The following RAB6A variants were observed in gnomAD, a reference collection of about 807,000 sequenced individuals.
RAB6A encodes ras-related protein Rab-6A.
RAB6A carries 8 observed loss-of-function variants against 32.3 expected under a neutral mutation model. That is an observed-to-expected ratio of 0.25 (90% CI 0.15 to 0.45). The LOEUF is 0.45. RAB6A is among the 20% of genes least tolerant of loss of function. The pLI, the probability that RAB6A is intolerant of heterozygous loss-of-function variation, is 1.00. For synonymous variants in RAB6A, 73 were observed against 82.1 expected (o/e 0.89, Z 0.60); for missense variants, 104 against 249.4 (o/e 0.42, Z 3.93).
At chr11:73,720,791 G>T in intron 3 of RAB6A, 55 bp downstream of exon 3, 1 of 1,278,764 alleles carries the variant, frequency 7.8e-7, no homozygotes, top group Non-Finnish European at 1.1e-6. Context: ...AACTTTGATT[G>T]CAGTTTTCTA....
chr11:73,712,543 G>A (rs1451802425), intron 5 of RAB6A, among the ~76,000 whole-genome samples: 1 of 151,824 alleles, frequency 6.6e-6, no homozygotes, highest in Non-Finnish European at 1.5e-5. Context: ...TAGAGACGAG[G>A]TTTCACTAGG....
At chr11:73,733,097 G>A (rs558621605) in intron 1 of RAB6A, among the ~76,000 whole-genome samples, 96 of 152,114 alleles carry the variant, frequency 6.3e-4, no homozygotes, top group Middle Eastern at 3.4e-3. Flanking sequence ...AAGCATGAGC[G>A]TCCACATCTG....
At chr11:73,740,561 A>ATT (rs967075814) in intron 1 of RAB6A, among the ~76,000 whole-genome samples, 1 of 151,770 alleles carries the variant, frequency 6.6e-6, no homozygotes, top group Non-Finnish European at 1.5e-5. Flanking sequence ...TTGAATCAAG[A>ATT]TTTTTTGTTT....
chr11:73,689,257 T>C (rs377548073), intron 6 of RAB6A, among the ~76,000 whole-genome samples: 31 of 152,286 alleles, frequency 2.0e-4, no homozygotes, highest in African/African-American at 7.0e-4. Context: ...GCAGATAGTT[T>C]TGGGATGAAA....
At chr11:73,753,958 T>C (rs1197187059) in intron 1 of RAB6A, among the ~76,000 whole-genome samples, 1 of 152,244 alleles carries the variant, frequency 6.6e-6, no homozygotes, top group African/African-American at 2.4e-5. Flanking sequence ...AAAGATTTGT[T>C]AAATTAAAAC....
intron 1 of RAB6A, among the ~76,000 whole-genome samples, chr11:73,742,595 T>C (rs965068554): frequency 6.6e-6 from 1 of 151,900 alleles, no homozygotes; most frequent in Non-Finnish European, 1.5e-5. Context: ...GTGGATCACC[T>C]GAGGTCAGGA....
intron 2 of RAB6A, among the ~76,000 whole-genome samples, chr11:73,728,075 T>TA (rs968204112): frequency 1.3e-5 from 2 of 152,154 alleles, no homozygotes; most frequent in South Asian, 2.1e-4. Flanking sequence ...GTAGTGGTAA[T>TA]AAAAAAAATT....
At position 73,730,836 on chromosome 11, in the gene RAB6A, GA is replaced by G. The variant is rs746901475; in HGVS notation, c.71-14del. ...GATGTCTTTCCAACTGAAATGAAAC[GA>G]AAAAAAGATTTGCTCAGTGAACACA... On this transcript the variant is annotated splice_polypyrimidine_tract_variant and intron_variant, in intron 1 of 7. Coordinates refer to ENST00000336083, the MANE Select transcript of RAB6A (RefSeq NM_198896.2). 3 of 1,588,366 alleles carry G rather than the reference GA, an allele frequency of 1.9e-6. No individual in the cohort carries two copies. Among genetic ancestry groups the G allele is most frequent in the East Asian group, 2.3e-5 (1 of 44,176 alleles).
chr11:73,759,924 C>T, intron 1 of RAB6A: 1 of 816,282 alleles, frequency 1.2e-6, no homozygotes, highest in Admixed American at 2.8e-5. Context: ...CCGACGCTAC[C>T]CCTTTCACCC....
At chr11:73,716,161 G>T in intron 5 of RAB6A, 90 bp downstream of exon 5, 1 of 977,306 alleles carries the variant, frequency 1.0e-6, no homozygotes, top group Non-Finnish European at 1.5e-6. Flanking sequence ...GATTAAGCAT[G>T]TCTCCTTTCA....
At chr11:73,712,243 T>C (rs1468642308) in intron 5 of RAB6A, among the ~76,000 whole-genome samples, 2 of 152,226 alleles carry the variant, frequency 1.3e-5, no homozygotes, top group African/African-American at 4.8e-5. Context: ...ATCTTTTCTA[T>C]ACACTTAACC....
At position 73,675,887 on chromosome 11, in the gene RAB6A, C is replaced by T. The variant is rs1180184977; in HGVS notation, c.*2011G>A. 3.6e-5 allele frequency: 6 copies of T among 167,084 alleles called. No individual in the cohort carries two copies. The East Asian group carries it at 1.2e-3, about 32-fold the overall frequency. The allele number at this position is 167,084 out of a possible 1,614,324, so 10.4% of individuals were successfully genotyped here. A position where few individuals can be genotyped will look rare whatever the true frequency, so the allele number is the denominator to read the frequency against. Reference sequence around the variant, plus strand: ...AACTTCTTCCAAATAAAGAATATGACCCATCTGCCATATTGAATCAATATT... The same window carrying T: ...AACTTCTTCCAAATAAAGAATATGATCCATCTGCCATATTGAATCAATATT... On this transcript the variant is annotated 3_prime_UTR_variant, in exon 8 of 8. Transcript: ENST00000336083.
intron 1 of RAB6A, chr11:73,760,137 C>G: frequency 7.7e-7 from 1 of 1,291,050 alleles, no homozygotes; most frequent in Non-Finnish European, 1.0e-6. Flanking sequence ...GAAGAGGGCC[C>G]GCTCTCGGGA....
intron 1 of RAB6A, among the ~76,000 whole-genome samples, chr11:73,749,192 C>G (rs549839517): frequency 6.6e-6 from 1 of 152,068 alleles, no homozygotes; most frequent in Admixed American, 6.6e-5. Flanking sequence ...TAAAAAGGAA[C>G]GAAGTAATGG....
At position 73,675,746 on chromosome 11, in the gene RAB6A, A is replaced by C. The variant is rs1452813736; in HGVS notation, c.*2152T>G. On this transcript the variant is annotated 3_prime_UTR_variant, in exon 8 of 8. Coordinates refer to ENST00000336083, the MANE Select transcript of RAB6A (RefSeq NM_198896.2). Reference sequence around the variant, plus strand: ...TCAATGCTTTGAAGAACTCCAAGCCAAATAAAAAGACCAATCAATATTAAA... The same window carrying C: ...TCAATGCTTTGAAGAACTCCAAGCCCAATAAAAAGACCAATCAATATTAAA... The C allele has an allele frequency of 1.2e-5, 2 of 162,842 alleles. No homozygotes were observed. The highest frequency in any genetic ancestry group is 1.9e-4 in the East Asian group (1 of 5,196). The allele number at this position is 162,842 out of a possible 1,614,324, so 10.1% of individuals were successfully genotyped here. A position where few individuals can be genotyped will look rare whatever the true frequency, so the allele number is the denominator to read the frequency against.
At chr11:73,708,502 G>C (rs572419044) in intron 5 of RAB6A, among the ~76,000 whole-genome samples, 1 of 152,094 alleles carries the variant, frequency 6.6e-6, no homozygotes, top group African/African-American at 2.4e-5. Context: ...AAGTAAGTGA[G>C]TCAAAGACAT....
At chr11:73,733,232 T>TC (rs1229717052) in intron 1 of RAB6A, among the ~76,000 whole-genome samples, 1 of 152,122 alleles carries the variant, frequency 6.6e-6, no homozygotes, top group Non-Finnish European at 1.5e-5. Flanking sequence ...CATCAAGCCA[T>TC]CCCTTGCTGG....
chr11:73,749,717 C>G (rs1240629860), intron 1 of RAB6A, among the ~76,000 whole-genome samples: 1 of 152,132 alleles, frequency 6.6e-6, no homozygotes, highest in African/African-American at 2.4e-5. Flanking sequence ...TAAAAATTAG[C>G]CAGGTGTGGT....
intron 2 of RAB6A, chr11:73,722,326 TATATA>T (rs1565364873): frequency 8.6e-4 from 9 of 10,470 alleles, no homozygotes; most frequent in African/African-American, 2.1e-3. Context: ...TATATATATA[TATATA>T]TATATATATA....
Sources: gnomAD v4.1 joint callset for allele counts (sites outside exome capture counted in the v4.1 genomes callset) on GRCh38, gnomAD v4.1.1 for gene constraint, MANE v1.5 for transcripts, NCBI Gene and HGNC (gene_info 2026-07-23, HGNC 2026-07-21) for gene names.